Variants in CNOT10 observed in about 807,000 individuals in gnomAD.
CNOT10 encodes the protein CCR4-NOT transcription complex subunit 10, also known as CCR4-NOT transcription complex, subunit 10.
CNOT10 carries 30 observed loss-of-function variants against 94.6 expected under a neutral mutation model. That is an observed-to-expected ratio of 0.32 (90% CI 0.24 to 0.43). The LOEUF (loss-of-function observed/expected upper bound fraction) is 0.43, where lower values mean the gene tolerates loss of function less well. Ranked by LOEUF, CNOT10 falls within the 20% of genes least tolerant of loss-of-function variation. The pLI is 1.00. For missense variants in CNOT10, 759 were observed against 877.2 expected, an observed-to-expected ratio of 0.87 and a Z score of 1.70; for synonymous variants, 289 against 301.6, an observed-to-expected ratio of 0.96 and a Z score of 0.43.
At position 32,753,918 on chromosome 3, in the gene CNOT10, T is replaced by TCACACACA. The variant is rs146449669; in HGVS notation, c.1596-5529_1596-5522dup. On this transcript the variant is annotated intron_variant, in intron 13 of 18. Transcript: ENST00000328834. ...AAGTACTAAATAAATTAATTTGCTCTCACACACACACACACACAAAATATA... is the reference window on the plus strand; with the variant it reads ...AAGTACTAAATAAATTAATTTGCTCTCACACACACACACACACACACACACAAAATATA... The TCACACACA allele has an allele frequency of 3.7e-5, 38 of 1,019,562 alleles. 2 individuals carry two copies. The highest frequency in any genetic ancestry group is 2.7e-4 in the South Asian group (19 of 69,220). 63.2% of individuals were successfully genotyped at this position (1,019,562 alleles called of 1,614,324 possible).
At chr3:32,710,165 AAAAAG>A (rs1270924858) in intron 4 of CNOT10, among the ~76,000 whole-genome samples, 11 of 151,458 alleles carry the variant, frequency 7.3e-5, no homozygotes, top group Middle Eastern at 3.4e-3. Context: ...AAAAAAAAAA[AAAAAG>A]AGAATTTCCT....
chr3:32,697,811 A>G (rs1697147891), intron 1 of CNOT10, among the ~76,000 whole-genome samples: 1 of 152,226 alleles, frequency 6.6e-6, no homozygotes, highest in Non-Finnish European at 1.5e-5. Context: ...AGAAAACTCA[A>G]TAGCAAACTA....
chr3:32,708,552 A>G, intron 3 of CNOT10, 118 bp from the exon 4 acceptor site: 1 of 795,966 alleles, frequency 1.3e-6, no homozygotes, highest in Non-Finnish European at 2.0e-6. Flanking sequence ...TGTTGAAAGT[A>G]TGGAAAAATT....
chr3:32,718,495 A>G (rs1698226549), intron 7 of CNOT10, among the ~76,000 whole-genome samples: 1 of 147,192 alleles, frequency 6.8e-6, no homozygotes, highest in African/African-American at 2.5e-5. Flanking sequence ...GAGGCAGGAG[A>G]ATGGTGTGAA....
intron 13 of CNOT10, chr3:32,753,653 A>G: frequency 6.4e-7 from 1 of 1,574,434 alleles, no homozygotes. Flanking sequence ...TCATCTCCTT[A>G]TACAAGAAAT....
At chr3:32,744,610 C>T (rs1699614732) in intron 13 of CNOT10, among the ~76,000 whole-genome samples, 1 of 152,126 alleles carries the variant, frequency 6.6e-6, no homozygotes, top group East Asian at 1.9e-4. Context: ...AATATTCTCA[C>T]AATTGAAATT....
intron 8 of CNOT10, among the ~76,000 whole-genome samples, chr3:32,724,517 A>G (rs1226703826): frequency 6.8e-6 from 1 of 147,908 alleles, no homozygotes; most frequent in Non-Finnish European, 1.5e-5. Context: ...GGTTCCCGCC[A>G]TTCTCCTGCC....
chr3:32,717,175 C>A lies in CNOT10; in HGVS notation c.682C>A (p.Gln228Lys). 6.2e-7 allele frequency: 1 copy of A among 1,605,148 alleles called. No individual in the cohort carries two copies. The highest frequency in any genetic ancestry group is 8.5e-7 in the Non-Finnish European group (1 of 1,174,252). ...ACAGTACAAAGTACGAGCTTATATC[C>A]AAATGAAGTCTCTGAAAGCATGTAA... ...IHQYKVRAYIQMKSLKACKRE... is the reference protein window; with the variant it reads ...IHQYKVRAYIKMKSLKACKRE... The change falls in exon 7 of 19, where the codon CAA becomes AAA. Residue 228 changes from glutamine to lysine, a missense_variant. Transcript: ENST00000328834.
chr3:32,727,979 T>TTTTATTTATTTATTTATTTA (rs150924656), intron 10 of CNOT10, 109 bp downstream of exon 10: 6,063 of 569,744 alleles, frequency 0.011, 77 homozygotes, highest in East Asian at 0.023. Flanking sequence ...ACATTTCTCT[T>TTTTATTTATTTATTTATTTA]TTTATTTATT....
At chr3:32,713,828 T>G (rs1697994953) in intron 5 of CNOT10, among the ~76,000 whole-genome samples, 1 of 152,250 alleles carries the variant, frequency 6.6e-6, no homozygotes. Context: ...ATACTTATTT[T>G]TGTTTCATGT....
Position 32,725,571 on chromosome 3 carries a change from A to G in CNOT10, c.984A>G (p.Ala328=). Residue 328 remains alanine (A), a synonymous_variant, in exon 9 of 19, where the codon GCA becomes GCG. Transcript: ENST00000328834. ...KALQENDNVC[A]QLSAGSTDPG... ...TGCAAGAGAATGACAATGTCTGTGC[A>G]CAGCTCAGTGCAGGTAGCACTGATC... 4 of 1,614,172 alleles carry G rather than the reference A, an allele frequency of 2.5e-6. No individual in the cohort carries two copies. The highest frequency in any genetic ancestry group is 3.4e-6 in the Non-Finnish European group (4 of 1,179,992).
At chr3:32,744,479 ATAAAT>A (rs750034089) in intron 13 of CNOT10, among the ~76,000 whole-genome samples, 2 of 152,128 alleles carry the variant, frequency 1.3e-5, no homozygotes, top group Admixed American at 6.6e-5. Context: ...TCATTTGTAC[ATAAAT>A]TAAGGTAAGT....
intron 1 of CNOT10, among the ~76,000 whole-genome samples, chr3:32,689,285 A>G (rs910519460): frequency 6.4e-4 from 97 of 151,754 alleles, no homozygotes; most frequent in African/African-American, 2.2e-3. Context: ...CCCAGGTGGC[A>G]GAGGTTGCAG....
chr3:32,772,102 A>G (rs759594890), intron 18 of CNOT10, among the ~76,000 whole-genome samples: 3 of 152,086 alleles, frequency 2.0e-5, no homozygotes, highest in Non-Finnish European at 4.4e-5. Flanking sequence ...TGTAATCCCA[A>G]CACTTTGGGA....
In CNOT10 at chr3:32,708,695, A is replaced by T; in HGVS notation, c.305A>T (p.Asp102Val). ...NQVHSAVEEM[D>V]GLDDVENSML... ...GTCCACTCAGCTGTTGAAGAAATGG[A>T]TGGATTAGATGATGTTGAAAACAGC... The change falls in exon 4 of 19, where the codon GAT becomes GTT. Residue 102 changes from aspartate to valine, a missense_variant. Transcript: ENST00000328834. 6.2e-7 allele frequency: 1 copy of T among 1,612,218 alleles called. No individual in the cohort carries two copies. Among genetic ancestry groups the T allele is most frequent in the Non-Finnish European group, 8.5e-7 (1 of 1,179,472 alleles).
chr3:32,706,586 T>C (rs2125520571), intron 3 of CNOT10, among the ~76,000 whole-genome samples: 1 of 152,340 alleles, frequency 6.6e-6, no homozygotes, highest in Middle Eastern at 3.4e-3. Context: ...ATGAGTAGTT[T>C]TTCTTTTGGC....
intron 1 of CNOT10, among the ~76,000 whole-genome samples, chr3:32,686,588 AGAT>A (rs1696610338): frequency 1.3e-5 from 2 of 152,186 alleles, no homozygotes; most frequent in African/African-American, 4.8e-5. Flanking sequence ...GCCTCTGGTG[AGAT>A]GATATTTGAG....
chr3:32,770,101 G>A (rs967786105), intron 18 of CNOT10, 139 bp downstream of exon 18: 12 of 636,290 alleles, frequency 1.9e-5, no homozygotes, highest in Non-Finnish European at 3.1e-5. Flanking sequence ...CAAACTCCTA[G>A]GCTCAAGCAG....
chr3:32,690,780 C>T (rs1696814068), intron 1 of CNOT10, among the ~76,000 whole-genome samples: 1 of 152,106 alleles, frequency 6.6e-6, no homozygotes, highest in South Asian at 2.1e-4. Flanking sequence ...AACTCCTGAC[C>T]TCATGATCCG....
Sources: gnomAD v4.1 joint callset for allele counts (sites outside exome capture counted in the v4.1 genomes callset) on GRCh38, gnomAD v4.1.1 for gene constraint, MANE v1.5 for transcripts, NCBI Gene and HGNC (gene_info 2026-07-23, HGNC 2026-07-21) for gene names.